Variants in SGCD observed in about 807,000 individuals in gnomAD.
The protein encoded by SGCD is sarcoglycan delta.
In SGCD, 18 loss-of-function variants were observed where a neutral mutation model predicts 36.6. The observed-to-expected ratio is 0.49, with a 90% CI of 0.34 to 0.73. The LOEUF is 0.73. Among genes scored for constraint, SGCD ranks in the 30% least tolerant of loss-of-function variants. The pLI is 0.01. For synonymous variants in SGCD, 133 were observed against 130.6 expected (o/e 1.02, Z -0.12); for missense variants, 387 against 346.7 (o/e 1.12, Z -0.92).
chr5:156,724,995 C>T (rs1014172499), intron 7 of SGCD, among the ~76,000 whole-genome samples: 2 of 152,232 alleles, frequency 1.3e-5, no homozygotes, highest in African/African-American at 2.4e-5. Context: ...TCACATAGTG[C>T]TCTGTTGGAC....
At chr5:155,954,288 G>C (rs1477433171) in intron 1 of SGCD, among the ~76,000 whole-genome samples, 2 of 152,142 alleles carry the variant, frequency 1.3e-5, no homozygotes, top group Non-Finnish European at 2.9e-5. Flanking sequence ...GACTCCTGAA[G>C]AAAAGGCACG....
intron 1 of SGCD, among the ~76,000 whole-genome samples, chr5:155,966,951 GTGTGTGTA>G (rs1391089711): frequency 6.1e-4 from 92 of 151,512 alleles, no homozygotes; most frequent in African/African-American, 2.1e-3. Flanking sequence ...GTGTGTGTGT[GTGTGTGTA>G]TGTGTGTGTA....
intron 3 of SGCD, among the ~76,000 whole-genome samples, chr5:156,424,774 A>G (rs1016949606): frequency 5.9e-5 from 9 of 152,032 alleles, no homozygotes; most frequent in African/African-American, 2.2e-4. Context: ...CAGCAGAGGA[A>G]AAAGGTGCAT....
At chr5:156,083,296 CT>C (rs112096404) in intron 1 of SGCD, among the ~76,000 whole-genome samples, 67 of 144,166 alleles carry the variant, frequency 4.6e-4, no homozygotes, top group Admixed American at 7.0e-4. Flanking sequence ...CATTTTTTTC[CT>C]TTTTTTTTTT....
chr5:156,370,108 A>G (rs1770302559), intron 3 of SGCD, among the ~76,000 whole-genome samples: 1 of 152,168 alleles, frequency 6.6e-6, no homozygotes, highest in African/African-American at 2.4e-5. Flanking sequence ...CTTTCCAGAT[A>G]TCAGCATCCA....
chr5:156,617,898 C>G (rs1235106528), intron 6 of SGCD, among the ~76,000 whole-genome samples: 3 of 152,198 alleles, frequency 2.0e-5, no homozygotes, highest in Non-Finnish European at 4.4e-5. Context: ...GGTGAAGCAA[C>G]TCAAAAGGCT....
At chr5:156,173,534 G>A (rs1355728918) in intron 3 of SGCD, among the ~76,000 whole-genome samples, 2 of 151,738 alleles carry the variant, frequency 1.3e-5, no homozygotes, top group Non-Finnish European at 2.9e-5. Flanking sequence ...GTTACATCCA[G>A]GGGAAAAAAA....
At chr5:156,321,313 G>A (rs912261000) in intron 3 of SGCD, among the ~76,000 whole-genome samples, 41 of 152,174 alleles carry the variant, frequency 2.7e-4, no homozygotes, top group Admixed American at 1.8e-3. Flanking sequence ...CCAGCTACTC[G>A]GGAGGCTGAG....
chr5:156,043,184 C>G (rs760047816), intron 1 of SGCD, among the ~76,000 whole-genome samples: 3 of 152,156 alleles, frequency 2.0e-5, no homozygotes, highest in Non-Finnish European at 4.4e-5. Flanking sequence ...ATCAGAAGTT[C>G]TGGAAGAACA....
chr5:156,037,865 C>T (rs1285789875), intron 1 of SGCD, among the ~76,000 whole-genome samples: 1 of 152,126 alleles, frequency 6.6e-6, no homozygotes, highest in Non-Finnish European at 1.5e-5. Context: ...TAATACTTAT[C>T]ATGTCAATAT....
intron 3 of SGCD, among the ~76,000 whole-genome samples, chr5:156,361,742 A>G (rs1054879392): frequency 6.6e-6 from 1 of 152,242 alleles, no homozygotes; most frequent in Non-Finnish European, 1.5e-5. Flanking sequence ...ATATGTACAC[A>G]TTATTGCTGG....
chr5:156,459,208 A>G (rs1033525142), intron 3 of SGCD, among the ~76,000 whole-genome samples: 1 of 152,104 alleles, frequency 6.6e-6, no homozygotes, highest in Non-Finnish European at 1.5e-5. Context: ...TTGTGTGTAT[A>G]CTATGTGGCT....
At chr5:156,756,112 A>T (rs144171103) in intron 7 of SGCD, among the ~76,000 whole-genome samples, 1 of 152,322 alleles carries the variant, frequency 6.6e-6, no homozygotes, top group East Asian at 1.9e-4. Context: ...GGTGTCTGAA[A>T]GTTAGAAGCA....
chr5:156,400,371 G>A (rs1772080101), intron 3 of SGCD, among the ~76,000 whole-genome samples: 1 of 152,200 alleles, frequency 6.6e-6, no homozygotes, highest in Non-Finnish European at 1.5e-5. Context: ...CTATAGTCCT[G>A]TCTGACTTGA....
Position 156,074,624 on chromosome 5 carries a change from G to A in SGCD, c.-281-43254G>A, listed in dbSNP as rs572841855. ...GAACCCAGGAGGCAGAGGTTGCAGT[G>A]AGCCAAGATTATACCACTGCACTCA... On this transcript the variant is annotated intron_variant, in intron 1 of 9. Transcript: ENST00000517913. Among the ~76,000 whole-genome samples the A allele has an allele frequency of 1.9e-3, 288 of 152,186 alleles. 1 individual carries two copies. Among genetic ancestry groups the A allele is most frequent in the African/African-American group, 6.8e-3 (281 of 41,528 alleles).
In SGCD at chr5:156,427,645, G is replaced by A. The variant is rs149089585; in HGVS notation, c.193-80956G>A. Among the ~76,000 whole-genome samples the A allele has an allele frequency of 4.5e-4, 69 of 152,006 alleles. No homozygotes were observed. In the East Asian group the frequency reaches 6.4e-3, roughly 14 times the overall value. On this transcript the variant is annotated intron_variant, in intron 3 of 8. Coordinates refer to ENST00000337851, the MANE Select transcript of SGCD (RefSeq NM_000337.6). ...TCAGGGGGAATCCTTTCATCTTTTC[G>A]CCATGCAGTCTGATGTTGGCTGTGG...
chr5:156,106,930 A>C (rs1467462723), intron 1 of SGCD, among the ~76,000 whole-genome samples: 1 of 152,184 alleles, frequency 6.6e-6, no homozygotes, highest in Admixed American at 6.5e-5. Context: ...CCTGGAAAGA[A>C]TTGTTAACCA....
rs78032557 is a variant in SGCD, at chr5:156,147,443, T to C, written c.-44+23424T>C. Among the ~76,000 whole-genome samples, 1,327 of 152,340 alleles carry C rather than the reference T, an allele frequency of 8.7e-3. 14 individuals carry two copies. Among genetic ancestry groups the C allele is most frequent in the African/African-American group, 0.031 (1,277 of 41,578 alleles). ...TCCGGACTCTCTGACCATCTGGTTT[T>C]CCCTGGCTGTTTGCATTTCCATGTC... On this transcript the variant is annotated intron_variant, in intron 3 of 9. Transcript: ENST00000517913.
intron 1 of SGCD, among the ~76,000 whole-genome samples, chr5:156,078,524 T>C (rs867478481): frequency 7.5e-6 from 1 of 133,650 alleles, no homozygotes; most frequent in Non-Finnish European, 1.5e-5. Context: ...AAAAAAAATA[T>C]ATATATATAT....
Sources: allele counts gnomAD v4.1 joint callset (sites outside exome capture counted in the v4.1 genomes callset), GRCh38; gene constraint gnomAD v4.1.1; transcripts MANE v1.5; gene names NCBI Gene and HGNC (gene_info 2026-07-23, HGNC 2026-07-21).